The following NRXN3 variants were observed in gnomAD, a reference collection of about 807,000 sequenced individuals.
The protein encoded by NRXN3 is neurexin 3, also known as neurexin III.
A neutral mutation model predicts 137.6 loss-of-function variants in NRXN3; 32 were observed. That is an observed-to-expected ratio of 0.23 (90% CI 0.18 to 0.31). The LOEUF is 0.31. NRXN3 is among the 10% of genes least tolerant of loss of function. The probability of loss-of-function intolerance (pLI) is 1.00; values close to 1 mark genes in which losing one functional copy is unlikely to be tolerated. For synonymous variants in NRXN3, 798 were observed against 784.5 expected (o/e 1.02, Z -0.29); for missense variants, 1,574 against 2,062.5 (o/e 0.76, Z 4.59).
intron 4 of NRXN3, among the ~76,000 whole-genome samples, chr14:78,502,242 A>G (rs1369920417): frequency 6.6e-6 from 1 of 152,150 alleles, no homozygotes; most frequent in Admixed American, 6.5e-5. Context: ...GCACAGGAAC[A>G]CCCTGCCATG....
chr14:79,675,438 T>C (rs1381535552), intron 17 of NRXN3, among the ~76,000 whole-genome samples: 4 of 152,112 alleles, frequency 2.6e-5, no homozygotes, highest in Non-Finnish European at 5.9e-5. Flanking sequence ...CAAGCTGTGA[T>C]GAACCACGTT....
chr14:78,808,665 A>G, intron 9 of NRXN3, among the ~76,000 whole-genome samples: 1 of 152,078 alleles, frequency 6.6e-6, no homozygotes, highest in Non-Finnish European at 1.5e-5. Flanking sequence ...GACACATGAC[A>G]AACCTAACCG....
At chr14:78,365,528 A>G (rs550680207) in intron 4 of NRXN3, among the ~76,000 whole-genome samples, 37 of 152,280 alleles carry the variant, frequency 2.4e-4, no homozygotes, top group African/African-American at 8.4e-4. Flanking sequence ...TTCTGCTCAT[A>G]TTCTATTGGC....
intron 4 of NRXN3, among the ~76,000 whole-genome samples, chr14:78,374,920 T>C (rs546995261): frequency 6.6e-6 from 1 of 152,348 alleles, no homozygotes; most frequent in South Asian, 2.1e-4. Context: ...ATGTTGAAGT[T>C]ATAGTACCTG....
At chr14:78,947,326 A>G (rs1452959956) in intron 10 of NRXN3, among the ~76,000 whole-genome samples, 1 of 152,188 alleles carries the variant, frequency 6.6e-6, no homozygotes, top group Non-Finnish European at 1.5e-5. Context: ...CTATTGTAGG[A>G]AGGAGATGCT....
rs867919694 is a variant in NRXN3 at position 79,772,379 on chromosome 14, C to G, written c.4015-32733C>G. On this transcript the variant is annotated intron_variant, in intron 19 of 20. Transcript: ENST00000335750. ...TCACACTACCTGACTTCAAACTATACTACAAGGCTACAGTAAGCAAAACAG... is the reference window on the plus strand; with the variant it reads ...TCACACTACCTGACTTCAAACTATAGTACAAGGCTACAGTAAGCAAAACAG... 4.1e-3 allele frequency among the ~76,000 whole-genome samples: 619 copies of G among 152,198 alleles called. 7 individuals carry two copies. Among genetic ancestry groups the G allele is most frequent in the African/African-American group, 0.014 (581 of 41,512 alleles).
At chr14:79,422,275 G>A (rs2095588831) in intron 15 of NRXN3, among the ~76,000 whole-genome samples, 1 of 151,944 alleles carries the variant, frequency 6.6e-6, no homozygotes, top group African/African-American at 2.4e-5. Flanking sequence ...TGTTGCCTAG[G>A]CTGGGCTTGA....
chr14:79,517,864 T>A (rs899272672), intron 16 of NRXN3, among the ~76,000 whole-genome samples: 1 of 151,598 alleles, frequency 6.6e-6, no homozygotes, highest in South Asian at 2.1e-4. Context: ...TTCTCCCTTA[T>A]TACTTTTTCT....
chr14:79,815,604 A>C (rs2099249261), intron 20 of NRXN3, among the ~76,000 whole-genome samples: 1 of 152,154 alleles, frequency 6.6e-6, no homozygotes, highest in South Asian at 2.1e-4. Context: ...AAAAGAAAGG[A>C]AGGAGGAAAG....
chr14:79,328,752 T>G (rs2091267687), intron 15 of NRXN3, among the ~76,000 whole-genome samples: 1 of 152,200 alleles, frequency 6.6e-6, no homozygotes, highest in Admixed American at 6.5e-5. Context: ...TAGGAAACAT[T>G]TCTTATTTCA....
chr14:79,180,823 C>G (rs564725843), intron 15 of NRXN3, among the ~76,000 whole-genome samples: 6 of 152,042 alleles, frequency 3.9e-5, no homozygotes, highest in South Asian at 2.1e-4. Flanking sequence ...TGCCTCAGAC[C>G]TAATAATCTT....
rs2099417791 is a variant in NRXN3 at position 79,865,621 on chromosome 14, A to G, written c.*3657A>G. 1 of 151,980 alleles carries G rather than the reference A, an allele frequency of 6.6e-6. No individual in the cohort carries two copies. Among genetic ancestry groups the G allele is most frequent in the African/African-American group, 2.4e-5 (1 of 41,376 alleles). The allele number at this position is 151,980 out of a possible 1,614,324, so 9.4% of individuals were successfully genotyped here. A position where few individuals can be genotyped will look rare whatever the true frequency, so the allele number is the denominator to read the frequency against. On this transcript the variant is annotated 3_prime_UTR_variant, in exon 21 of 21. Transcript: ENST00000335750. ...GTTTTTTTTTTGTTCCTGTCTTCAA[A>G]GTTCTGTATTAGATGTTCTCCCATC...
chr14:78,829,980 T>C (rs1489197066), intron 10 of NRXN3, among the ~76,000 whole-genome samples: 2 of 152,184 alleles, frequency 1.3e-5, no homozygotes, highest in African/African-American at 4.8e-5. Flanking sequence ...CTGTTAAGAA[T>C]TGCCGAAAGA....
At chr14:79,829,710 T>C (rs953770845) in intron 20 of NRXN3, among the ~76,000 whole-genome samples, 2 of 152,204 alleles carry the variant, frequency 1.3e-5, no homozygotes, top group African/African-American at 4.8e-5. Flanking sequence ...GTCTTCTTCA[T>C]TGAAAGAGAT....
At chr14:78,360,924 C>A (rs1004225968) in intron 4 of NRXN3, among the ~76,000 whole-genome samples, 22 of 152,166 alleles carry the variant, frequency 1.4e-4, no homozygotes, top group African/African-American at 4.8e-4. Context: ...TCCTCAGGTA[C>A]CCCAATCCAC....
At chr14:79,805,001 T>A in intron 19 of NRXN3, 111 bp from the exon 20 acceptor site, 1 of 717,492 alleles carries the variant, frequency 1.4e-6, no homozygotes, top group Non-Finnish European at 2.4e-6. Flanking sequence ...ATCGTAATGA[T>A]GGGAGATGGG....
chr14:79,201,377 G>A (rs1478563910), intron 15 of NRXN3: 1 of 152,082 alleles, frequency 6.6e-6, no homozygotes, highest in Non-Finnish European at 1.5e-5. Context: ...GAAAAAATAT[G>A]TACTAAGATA....
chr14:78,860,017 A>T (rs1166576380), intron 10 of NRXN3, among the ~76,000 whole-genome samples: 1 of 152,160 alleles, frequency 6.6e-6, no homozygotes, highest in African/African-American at 2.4e-5. Context: ...AGGAAAGAAC[A>T]TGTAGGCTTA....
chr14:79,189,280 C>G (rs2063931532), intron 15 of NRXN3, among the ~76,000 whole-genome samples: 1 of 151,140 alleles, frequency 6.6e-6, no homozygotes, highest in Non-Finnish European at 1.5e-5. Context: ...AGTAAACTAT[C>G]ACAAGAACAA....
Sources: allele counts gnomAD v4.1 joint callset (sites outside exome capture counted in the v4.1 genomes callset), GRCh38; gene constraint gnomAD v4.1.1; transcripts MANE v1.5; gene names NCBI Gene and HGNC (gene_info 2026-07-23, HGNC 2026-07-21).